Variants in ANXA2 observed in about 807,000 individuals in gnomAD.
ANXA2 encodes the protein annexin A2.
ANXA2 carries 28 observed loss-of-function variants against 47.3 expected under a neutral mutation model. The ratio of observed to expected loss-of-function variants is 0.59; its 90% CI spans 0.44 to 0.81. The LOEUF is 0.81. Ranked by LOEUF, ANXA2 falls within the 40% of genes least tolerant of loss-of-function variation. The probability of loss-of-function intolerance (pLI) is 0.00; values close to 1 mark genes in which losing one functional copy is unlikely to be tolerated. For missense variants in ANXA2, 384 were observed against 414.3 expected (o/e 0.93, Z 0.64); for synonymous variants, 172 against 155.5 (o/e 1.11, Z -0.79).
At chr15:60,361,284 C>T (rs564131405) in intron 4 of ANXA2, among the ~76,000 whole-genome samples, 81 of 152,294 alleles carry the variant, frequency 5.3e-4, no homozygotes, top group Non-Finnish European at 9.0e-4. Flanking sequence ...TTAATTTTGC[C>T]GTCTTCCCCG....
intron 3 of ANXA2, among the ~76,000 whole-genome samples, chr15:60,380,609 A>G (rs1219340980): frequency 1.3e-5 from 2 of 151,810 alleles, no homozygotes; most frequent in East Asian, 1.9e-4. Context: ...GTTCGAGACC[A>G]GGCTGACCAA....
At chr15:60,380,901 G>A (rs1452567046) in intron 3 of ANXA2, among the ~76,000 whole-genome samples, 1 of 151,636 alleles carries the variant, frequency 6.6e-6, no homozygotes, top group Non-Finnish European at 1.5e-5. Flanking sequence ...TCTGGGGGGT[G>A]GTCCACAGCA....
At chr15:60,365,703 T>A (rs1344239349) in intron 3 of ANXA2, among the ~76,000 whole-genome samples, 3 of 152,216 alleles carry the variant, frequency 2.0e-5, no homozygotes, top group Non-Finnish European at 2.9e-5. Context: ...CTTTTTAAAA[T>A]GTATATGCTC....
chr15:60,364,294 G>T, intron 4 of ANXA2, 135 bp downstream of exon 4: 1 of 719,282 alleles, frequency 1.4e-6, no homozygotes. Context: ...AAGGATTTAA[G>T]AAGAAAATCT....
intron 3 of ANXA2, among the ~76,000 whole-genome samples, chr15:60,366,469 G>A (rs1034950714): frequency 6.6e-6 from 1 of 151,622 alleles, no homozygotes; most frequent in African/African-American, 2.4e-5. Context: ...CCCTGTCTGG[G>A]ATGTGAGGAG....
At chr15:60,392,599 T>C (rs1053286948) in intron 1 of ANXA2, among the ~76,000 whole-genome samples, 2 of 152,186 alleles carry the variant, frequency 1.3e-5, no homozygotes, top group African/African-American at 4.8e-5. Context: ...TAAAAACACA[T>C]TCTACTGAAC....
At position 60,397,956 on chromosome 15, in the gene ANXA2, C is replaced by A. The variant is rs1313081992; in HGVS notation, c.-25G>T. 3.1e-6 allele frequency: 4 copies of A among 1,278,466 alleles called. No homozygotes were observed. Among genetic ancestry groups the A allele is most frequent in the Non-Finnish European group, 3.0e-6 (3 of 1,010,826 alleles). The allele number at this position is 1,278,466 out of a possible 1,614,324, so 79.2% of individuals were successfully genotyped here. A position where few individuals can be genotyped will look rare whatever the true frequency, so the allele number is the denominator to read the frequency against. ...CGCCCCGCTTACCTGGGCCGTGCGC[C>A]GAGAGCTGAGAGCGTCCCCAAATGC... is the stretch of plus-strand genomic sequence containing the variant. On this transcript the variant is annotated 5_prime_UTR_variant, in exon 1 of 13. Coordinates refer to ENST00000451270, the MANE Select transcript of ANXA2 (RefSeq NM_004039.3).
intron 4 of ANXA2, chr15:60,361,316 T>C: frequency 2.4e-6 from 1 of 422,498 alleles, no homozygotes. Context: ...GAAACTGGAG[T>C]CGTATGTGAT....
chr15:60,370,871 T>C (rs1266980377), intron 3 of ANXA2, among the ~76,000 whole-genome samples: 1 of 152,178 alleles, frequency 6.6e-6, no homozygotes, highest in Non-Finnish European at 1.5e-5. Flanking sequence ...ACAGAAAACC[T>C]GAATATCACT....
intron 3 of ANXA2, among the ~76,000 whole-genome samples, chr15:60,379,575 C>G (rs771950568): frequency 1.3e-5 from 2 of 152,058 alleles, no homozygotes; most frequent in Non-Finnish European, 2.9e-5. Context: ...TGTTCAAATC[C>G]CAGTTTGATC....
intron 1 of ANXA2, chr15:60,386,694 A>G (rs916113680): frequency 6.6e-6 from 1 of 152,244 alleles, no homozygotes; most frequent in Non-Finnish European, 1.5e-5. Context: ...TGTTGTATTT[A>G]AGATTTGAAA....
chr15:60,390,195 C>A, intron 1 of ANXA2: 1 of 852,908 alleles, frequency 1.2e-6, no homozygotes, highest in South Asian at 4.8e-5. Context: ...ATCACAATAA[C>A]CACAAAGTCA....
chr15:60,365,708 A>G (rs1225516302), intron 3 of ANXA2, among the ~76,000 whole-genome samples: 1 of 152,242 alleles, frequency 6.6e-6, no homozygotes, highest in Admixed American at 6.5e-5. Flanking sequence ...TAAAATGTAT[A>G]TGCTCATTTC....
intron 1 of ANXA2, among the ~76,000 whole-genome samples, chr15:60,397,689 A>AC (rs1470572225): frequency 9.8e-5 from 12 of 122,674 alleles, no homozygotes; most frequent in Non-Finnish European, 1.7e-4. Context: ...GAGAAGCCCG[A>AC]CCCCCCACCA....
At chr15:60,385,878 C>G (rs941947433) in intron 2 of ANXA2, 150 bp downstream of exon 2, 2 of 546,216 alleles carry the variant, frequency 3.7e-6, no homozygotes, top group Non-Finnish European at 3.2e-6. Flanking sequence ...CTACTAGGAA[C>G]AGCTGAAGTA....
chr15:60,386,663 C>A (rs1254068362), intron 1 of ANXA2: 1 of 152,344 alleles, frequency 6.6e-6, no homozygotes, highest in Non-Finnish European at 1.5e-5. Flanking sequence ...GACCTTAACT[C>A]ATTCCATAAA....
chr15:60,350,269 C>G (rs546591810), intron 11 of ANXA2, among the ~76,000 whole-genome samples: 1 of 152,244 alleles, frequency 6.6e-6, no homozygotes, highest in African/African-American at 2.4e-5. Flanking sequence ...GTAGTCAGCA[C>G]AGACTCCCAC....
At chr15:60,392,017 C>T (rs969828265) in intron 1 of ANXA2, among the ~76,000 whole-genome samples, 7 of 152,160 alleles carry the variant, frequency 4.6e-5, no homozygotes, top group African/African-American at 1.4e-4. Context: ...TAAAATGACC[C>T]TTTATCAGAG....
intron 4 of ANXA2, among the ~76,000 whole-genome samples, chr15:60,363,203 C>T (rs572058758): frequency 6.6e-6 from 1 of 152,240 alleles, no homozygotes; most frequent in Admixed American, 6.5e-5. Flanking sequence ...AGCTCACAGA[C>T]CCCTTTGGGA....
Sources: allele counts gnomAD v4.1 joint callset (sites outside exome capture counted in the v4.1 genomes callset), GRCh38; gene constraint gnomAD v4.1.1; transcripts MANE v1.5; gene names NCBI Gene and HGNC (gene_info 2026-07-23, HGNC 2026-07-21).